The following MYO1D variants were observed in gnomAD, a reference collection of about 807,000 sequenced individuals.
MYO1D encodes unconventional myosin-Id.
MYO1D carries 83 observed loss-of-function variants against 122.0 expected under a neutral mutation model. That is an observed-to-expected ratio of 0.68 (90% CI 0.57 to 0.82). The LOEUF (loss-of-function observed/expected upper bound fraction) is 0.82. Ranked by LOEUF, MYO1D falls within the 40% of genes least tolerant of loss-of-function variation. The pLI is 0.00. For missense variants in MYO1D, 1,157 were observed against 1,269.5 expected, an observed-to-expected ratio of 0.91 and a Z score of 1.35; for synonymous variants, 464 against 446.9, an observed-to-expected ratio of 1.04 and a Z score of -0.48.
rs573194479 is a variant in MYO1D at position 32,549,005 on chromosome 17, G to C, written c.2865-54090C>G. ...TGGGATTACAGGCGTGAGCCACCGC[G>C]CCTGGCCGACTTTTAATTATTTTTA... On this transcript the variant is annotated intron_variant, in intron 21 of 21. Transcript: ENST00000318217. 3.9e-5 allele frequency among the ~76,000 whole-genome samples: 6 copies of C among 152,138 alleles called. No individual in the cohort carries two copies. The South Asian group carries it at 1.2e-3, about 32-fold the overall frequency.
intron 21 of MYO1D, among the ~76,000 whole-genome samples, chr17:32,603,803 G>A (rs991431552): frequency 1.3e-5 from 2 of 152,100 alleles, no homozygotes; most frequent in Non-Finnish European, 2.9e-5. Context: ...GGGATTACAG[G>A]CGTGAGCCAC....
At chr17:32,763,719 A>C (rs2090026012) in intron 8 of MYO1D, among the ~76,000 whole-genome samples, 1 of 152,196 alleles carries the variant, frequency 6.6e-6, no homozygotes. Context: ...CAGGAGTCCG[A>C]GACCAGCCTG....
chr17:32,523,020 T>C (rs1365440560), intron 21 of MYO1D, among the ~76,000 whole-genome samples: 2 of 152,306 alleles, frequency 1.3e-5, no homozygotes, highest in East Asian at 1.9e-4. Flanking sequence ...TTTCACCATG[T>C]TAGCCAGGAT....
chr17:32,608,379 C>G (rs1344342772), intron 20 of MYO1D, among the ~76,000 whole-genome samples: 1 of 152,164 alleles, frequency 6.6e-6, no homozygotes, highest in African/African-American at 2.4e-5. Flanking sequence ...AAAGGGTGCT[C>G]AACATCAGCA....
chr17:32,565,461 A>C (rs963105124), intron 21 of MYO1D, among the ~76,000 whole-genome samples: 6 of 152,192 alleles, frequency 3.9e-5, no homozygotes, highest in Non-Finnish European at 8.8e-5. Flanking sequence ...TGACCTGGTG[A>C]AAGTGGCTGC....
intron 1 of MYO1D, among the ~76,000 whole-genome samples, chr17:32,876,543 C>G (rs1338186047): frequency 6.6e-6 from 1 of 152,138 alleles, no homozygotes; most frequent in African/African-American, 2.4e-5. Flanking sequence ...CAGGGAAGCG[C>G]GGCCCTTGAG....
chr17:32,726,772 T>C (rs1053108235), intron 14 of MYO1D, among the ~76,000 whole-genome samples: 19 of 150,834 alleles, frequency 1.3e-4, no homozygotes, highest in Non-Finnish European at 2.1e-4. Context: ...AAAATGTATA[T>C]GCATGTTATT....
At chr17:32,608,433 C>T (rs761644663) in intron 20 of MYO1D, among the ~76,000 whole-genome samples, 2 of 152,162 alleles carry the variant, frequency 1.3e-5, no homozygotes, top group African/African-American at 2.4e-5. Context: ...GGAACCACTG[C>T]AAACCCATCA....
At chr17:32,637,461 A>G (rs2088118670) in intron 20 of MYO1D, among the ~76,000 whole-genome samples, 1 of 152,184 alleles carries the variant, frequency 6.6e-6, no homozygotes, top group Admixed American at 6.5e-5. Flanking sequence ...ACTTGAGGCC[A>G]GGAGTTTGAG....
intron 16 of MYO1D, chr17:32,684,362 T>G (rs917326901): frequency 6.6e-6 from 1 of 152,208 alleles, no homozygotes; most frequent in Non-Finnish European, 1.5e-5. Context: ...GTTACACAAT[T>G]TGTAATTATG....
chr17:32,613,646 T>C (rs552052032), intron 20 of MYO1D, among the ~76,000 whole-genome samples: 63 of 151,730 alleles, frequency 4.2e-4, no homozygotes, highest in Non-Finnish European at 8.4e-4. Flanking sequence ...TGGTGGTGCG[T>C]GCCTGTAATC....
intron 1 of MYO1D, among the ~76,000 whole-genome samples, chr17:32,793,589 G>A (rs796381023): frequency 3.9e-5 from 6 of 152,168 alleles, no homozygotes; most frequent in African/African-American, 1.4e-4. Context: ...AAATGATTTG[G>A]AAAAGGATGC....
intron 16 of MYO1D, among the ~76,000 whole-genome samples, chr17:32,691,435 C>T (rs1308203224): frequency 1.6e-4 from 19 of 118,172 alleles, no homozygotes; most frequent in African/African-American, 6.0e-4. Flanking sequence ...GAGATGGAGT[C>T]TTACTCTGTC....
At chr17:32,556,536 G>A (rs2087069946) in intron 21 of MYO1D, among the ~76,000 whole-genome samples, 1 of 147,066 alleles carries the variant, frequency 6.8e-6, no homozygotes, top group African/African-American at 2.5e-5. Flanking sequence ...TGCAGACACA[G>A]GGTTTATGGC....
intron 21 of MYO1D, among the ~76,000 whole-genome samples, chr17:32,587,436 C>A (rs188400536): frequency 6.6e-6 from 1 of 151,004 alleles, no homozygotes; most frequent in African/African-American, 2.4e-5. Flanking sequence ...TGCTTGAACC[C>A]AGGAGGTGGG....
At chr17:32,820,314 C>T (rs914729741) in intron 1 of MYO1D, among the ~76,000 whole-genome samples, 2 of 152,166 alleles carry the variant, frequency 1.3e-5, no homozygotes, top group African/African-American at 4.8e-5. Context: ...CAGATCTTCA[C>T]CCCATGTTCA....
chr17:32,495,786 C>T (rs1435176427), intron 21 of MYO1D: 1 of 152,356 alleles, frequency 6.6e-6, no homozygotes, highest in African/African-American at 2.4e-5. Context: ...CTTGTCAGCT[C>T]TGAGCTGGGA....
chr17:32,683,293 G>C (rs2088950286), intron 16 of MYO1D, among the ~76,000 whole-genome samples: 1 of 152,206 alleles, frequency 6.6e-6, no homozygotes, highest in Non-Finnish European at 1.5e-5. Flanking sequence ...TGCTGGTGAG[G>C]AACTGTGTTC....
At chr17:32,805,503 G>A (rs1055912636) in intron 1 of MYO1D, among the ~76,000 whole-genome samples, 2 of 152,152 alleles carry the variant, frequency 1.3e-5, no homozygotes, top group African/African-American at 4.8e-5. Flanking sequence ...GATTGTACTA[G>A]CTGTTACTTG....
Sources: allele counts gnomAD v4.1 joint callset (sites outside exome capture counted in the v4.1 genomes callset), GRCh38; gene constraint gnomAD v4.1.1; transcripts MANE v1.5; gene names NCBI Gene and HGNC (gene_info 2026-07-23, HGNC 2026-07-21).